The following TBL1XR1 variants were observed in gnomAD, a reference collection of about 807,000 sequenced individuals.
The protein encoded by TBL1XR1 is TBL1X/Y related 1.
TBL1XR1 carries 5 observed loss-of-function variants against 66.9 expected under a neutral mutation model. The ratio of observed to expected loss-of-function variants is 0.07; its 90% confidence interval spans 0.04 to 0.16. TBL1XR1 has a LOEUF of 0.16. TBL1XR1 is among the 10% of genes least tolerant of loss of function. The pLI, the probability that TBL1XR1 is intolerant of heterozygous loss-of-function variation, is 1.00. For missense variants in TBL1XR1, 238 were observed against 623.2 expected (o/e 0.38, Z 6.58); for synonymous variants, 210 against 206.0 (o/e 1.02, Z -0.17).
At chr3:177,115,703 C>T (rs1387508611) in intron 1 of TBL1XR1, among the ~76,000 whole-genome samples, 1 of 152,170 alleles carries the variant, frequency 6.6e-6, no homozygotes, top group Admixed American at 6.6e-5. Context: ...CATTGGATAT[C>T]TAAAATTTAA....
intron 2 of TBL1XR1, among the ~76,000 whole-genome samples, chr3:177,093,443 C>T (rs1723077530): frequency 6.6e-6 from 1 of 152,090 alleles, no homozygotes; most frequent in Non-Finnish European, 1.5e-5. Flanking sequence ...CAAAATACTA[C>T]ATCATTCTTC....
chr3:177,163,765 T>C (rs1280876822), intron 1 of TBL1XR1, among the ~76,000 whole-genome samples: 1 of 152,182 alleles, frequency 6.6e-6, no homozygotes, highest in African/African-American at 2.4e-5. Context: ...AGAATACTTA[T>C]GAATTTTGAA....
At chr3:177,040,765 A>G (rs1053342902) in intron 10 of TBL1XR1, among the ~76,000 whole-genome samples, 2 of 152,218 alleles carry the variant, frequency 1.3e-5, no homozygotes, top group African/African-American at 4.8e-5. Flanking sequence ...AGCGAATTGT[A>G]GTAATATGAC....
intron 1 of TBL1XR1, among the ~76,000 whole-genome samples, chr3:177,112,385 G>C (rs914346663): frequency 1.3e-5 from 2 of 151,668 alleles, no homozygotes; most frequent in Admixed American, 1.3e-4. Context: ...TGGGATTACA[G>C]GCACGAGCCA....
chr3:177,194,980 G>A (rs551278261), intron 1 of TBL1XR1, among the ~76,000 whole-genome samples: 32 of 152,238 alleles, frequency 2.1e-4, no homozygotes, highest in Admixed American at 3.3e-4. Context: ...AACTGACGGT[G>A]AGCTTTGCAA....
At chr3:177,112,099 ATATATATATTTT>A (rs1158983440) in intron 1 of TBL1XR1, among the ~76,000 whole-genome samples, 19 of 49,192 alleles carry the variant, frequency 3.9e-4, no homozygotes, top group African/African-American at 2.1e-3. Context: ...ATATATATAT[ATATATATATTTT>A]TTTTTTTTTT....
chr3:177,087,494 T>C (rs1722293335), intron 2 of TBL1XR1, among the ~76,000 whole-genome samples: 1 of 152,044 alleles, frequency 6.6e-6, no homozygotes, highest in African/African-American at 2.4e-5. Flanking sequence ...TAGTAAATCA[T>C]AGAAAAAGAG....
intron 2 of TBL1XR1, among the ~76,000 whole-genome samples, chr3:177,069,902 G>T (rs1355442065): frequency 6.6e-6 from 1 of 152,068 alleles, no homozygotes; most frequent in Non-Finnish European, 1.5e-5. Context: ...GAGACTTCTA[G>T]TATCAAACTG....
At chr3:177,178,247 C>G (rs938844502) in intron 1 of TBL1XR1, among the ~76,000 whole-genome samples, 1 of 152,138 alleles carries the variant, frequency 6.6e-6, no homozygotes, top group Non-Finnish European at 1.5e-5. Context: ...GATGTTTGAA[C>G]TTTATACTGA....
chr3:177,187,406 A>AAT (rs1735556732), intron 1 of TBL1XR1, among the ~76,000 whole-genome samples: 1 of 151,716 alleles, frequency 6.6e-6, no homozygotes, highest in Admixed American at 6.6e-5. Context: ...AAAAAAAAAA[A>AAT]AAGAATCCTA....
At chr3:177,149,865 ATATT>A (rs990236434) in intron 1 of TBL1XR1, among the ~76,000 whole-genome samples, 4 of 152,168 alleles carry the variant, frequency 2.6e-5, no homozygotes, top group Non-Finnish European at 5.9e-5. Flanking sequence ...CATGCCTAAA[ATATT>A]TATTATCTAA....
chr3:177,117,682 TGAC>T (rs1295333713), intron 1 of TBL1XR1, among the ~76,000 whole-genome samples: 1 of 152,202 alleles, frequency 6.6e-6, no homozygotes, highest in Non-Finnish European at 1.5e-5. Flanking sequence ...GATTCAGTCT[TGAC>T]TTCAAATTCC....
At chr3:177,188,226 G>A (rs1190021223) in intron 1 of TBL1XR1, among the ~76,000 whole-genome samples, 2 of 151,216 alleles carry the variant, frequency 1.3e-5, no homozygotes, top group South Asian at 2.1e-4. Context: ...CACCGTGCCC[G>A]GCCCAGAGAA....
In TBL1XR1 at chr3:177,176,440, A is replaced by G. The variant is rs193248472; in HGVS notation, c.-122+20681T>C. 3.7e-3 allele frequency among the ~76,000 whole-genome samples: 564 copies of G among 150,434 alleles called. 7 individuals carry two copies. The highest frequency in any genetic ancestry group is 6.9e-3 in the Middle Eastern group (2 of 288). On this transcript the variant is annotated intron_variant, in intron 1 of 15. Transcript: ENST00000457928. ...TCGAACTCCTGACCTCAGATGATCC[A>G]CCCACCTCGGCCTCCCAAAGTACTG...
chr3:177,051,596 G>A lies in TBL1XR1; in HGVS notation c.335C>T (p.Ala112Val), dbSNP rs772793897. ...TTGGCTGGCTGCAGCTGCGGCAGCTGCAGCAGCTGCTGCCTGTTGCTGTGC... is the reference window on the plus strand; with the variant it reads ...TTGGCTGGCTGCAGCTGCGGCAGCTACAGCAGCTGCTGCCTGTTGCTGTGC... ...KLAQQQAAAA[A>V]AAAAAASQQG... Residue 112 changes from alanine (A) to valine (V), a missense_variant, in exon 5 of 16, where the codon GCA becomes GTA. Coordinates refer to ENST00000457928, the MANE Select transcript of TBL1XR1 (RefSeq NM_024665.7). The A allele has an allele frequency of 6.2e-7, 1 of 1,613,514 alleles. No individual in the cohort carries two copies. The highest frequency in any genetic ancestry group is 1.1e-5 in the South Asian group (1 of 91,042).
At chr3:177,185,386 A>G (rs553200039) in intron 1 of TBL1XR1, among the ~76,000 whole-genome samples, 2 of 152,202 alleles carry the variant, frequency 1.3e-5, no homozygotes, top group South Asian at 4.2e-4. Flanking sequence ...AGGAGGATGG[A>G]TCACTTGAGG....
chr3:177,046,551 A>G (rs1716352806), intron 9 of TBL1XR1, among the ~76,000 whole-genome samples: 1 of 152,202 alleles, frequency 6.6e-6, no homozygotes, highest in African/African-American at 2.4e-5. Flanking sequence ...CAACGTAATC[A>G]GTTCTCAATA....
intron 1 of TBL1XR1, among the ~76,000 whole-genome samples, chr3:177,122,360 T>C (rs1228123449): frequency 6.6e-6 from 1 of 150,800 alleles, no homozygotes; most frequent in East Asian, 1.9e-4. Flanking sequence ...CACGCCTGAT[T>C]GGGGTCATAG....
intron 1 of TBL1XR1, among the ~76,000 whole-genome samples, chr3:177,193,437 A>G (rs564048007): frequency 2.1e-4 from 32 of 152,064 alleles, no homozygotes; most frequent in Admixed American, 8.5e-4. Context: ...CAGCCTCCCG[A>G]GTAGCTGGGA....
Sources: allele counts gnomAD v4.1 joint callset (sites outside exome capture counted in the v4.1 genomes callset), GRCh38; gene constraint gnomAD v4.1.1; transcripts MANE v1.5; gene names NCBI Gene and HGNC (gene_info 2026-07-23, HGNC 2026-07-21).